SDK1: variants seen among roughly 807,000 people sequenced by gnomAD.
SDK1 encodes the protein sidekick cell adhesion molecule 1, also known as protein sidekick-1.
In SDK1, 157 loss-of-function variants were observed where a neutral mutation model predicts 245.5. The ratio of observed to expected loss-of-function variants is 0.64; its 90% CI spans 0.56 to 0.73. SDK1 has a LOEUF of 0.73. Ranked by LOEUF, SDK1 falls within the 30% of genes least tolerant of loss-of-function variation. The probability of loss-of-function intolerance (pLI) is 0.00; values close to 1 mark genes in which losing one functional copy is unlikely to be tolerated. For synonymous variants in SDK1, 1,647 were observed against 1,278.5 expected, an observed-to-expected ratio of 1.29 and a Z score of -6.15; for missense variants, 3,583 against 3,002.3, an observed-to-expected ratio of 1.19 and a Z score of -4.52.
At position 4,065,694 on chromosome 7, in the gene SDK1, G is replaced by GTTTTTTTTTTTTTT. The variant is rs749991713; in HGVS notation, c.2912-2122_2912-2109dup. 1.0e-4 allele frequency among the ~76,000 whole-genome samples: 7 copies of GTTTTTTTTTTTTTT among 66,750 alleles called. 1 individual carries two copies. The highest frequency in any genetic ancestry group is 2.7e-4 in the Admixed American group (1 of 3,706). The allele number at this position is 66,750 out of a possible 152,430, so 43.8% of individuals were successfully genotyped here. A position where few individuals can be genotyped will look rare whatever the true frequency, so the allele number is the denominator to read the frequency against. ...AGTTTCACCCAGATGAGTGGTTGTT[G>GTTTTTTTTTTTTTT]TTTTTTTTTTTTTTTTTTTTTTTTT... On this transcript the variant is annotated intron_variant, in intron 19 of 44. Coordinates refer to ENST00000404826, the MANE Select transcript of SDK1 (RefSeq NM_152744.4).
intron 1 of SDK1, among the ~76,000 whole-genome samples, chr7:3,606,996 T>G (rs1408528292): frequency 6.6e-6 from 1 of 152,182 alleles, no homozygotes; most frequent in Admixed American, 6.5e-5. Flanking sequence ...TACTAGTAAC[T>G]TTCTTCATTG....
chr7:3,501,664 G>T (rs979252910), intron 1 of SDK1, among the ~76,000 whole-genome samples: 24 of 152,054 alleles, frequency 1.6e-4, no homozygotes. Context: ...TTTTCCAGTT[G>T]ATTATAAATT....
At chr7:3,387,560 C>G (rs1348047259) in intron 1 of SDK1, among the ~76,000 whole-genome samples, 4 of 152,110 alleles carry the variant, frequency 2.6e-5, no homozygotes, top group African/African-American at 9.7e-5. Flanking sequence ...ATCCTGTACC[C>G]AGGTCTGTTG....
At chr7:3,492,191 C>T (rs546319703) in intron 1 of SDK1, among the ~76,000 whole-genome samples, 2 of 152,296 alleles carry the variant, frequency 1.3e-5, no homozygotes, top group South Asian at 4.1e-4. Context: ...TCAAAATGCT[C>T]CTTTCTGTTC....
At chr7:3,676,330 T>A (rs1783895636) in intron 4 of SDK1, among the ~76,000 whole-genome samples, 1 of 63,738 alleles carries the variant, frequency 1.6e-5, no homozygotes, top group African/African-American at 9.7e-5. Flanking sequence ...TACTTTTTTT[T>A]TTTTTTTTTT....
At chr7:3,390,129 C>G (rs570787475) in intron 1 of SDK1, among the ~76,000 whole-genome samples, 1 of 152,218 alleles carries the variant, frequency 6.6e-6, no homozygotes, top group South Asian at 2.1e-4. Flanking sequence ...GTTGAAGGTA[C>G]TGCTTGGATT....
chr7:3,520,536 A>G (rs1047830941), intron 1 of SDK1, among the ~76,000 whole-genome samples: 2 of 152,218 alleles, frequency 1.3e-5, no homozygotes, highest in African/African-American at 2.4e-5. Flanking sequence ...AAGTTTTAAT[A>G]TAAATCTCTT....
At chr7:3,549,642 C>T (rs1423628801) in intron 1 of SDK1, among the ~76,000 whole-genome samples, 1 of 151,870 alleles carries the variant, frequency 6.6e-6, no homozygotes, top group Non-Finnish European at 1.5e-5. Context: ...TGTTTTTTTT[C>T]CCTACTTTTT....
chr7:3,778,568 A>C (rs1283013029), intron 4 of SDK1, among the ~76,000 whole-genome samples: 1 of 152,236 alleles, frequency 6.6e-6, no homozygotes, highest in Non-Finnish European at 1.5e-5. Flanking sequence ...CTATATTTTT[A>C]CACTGACAGC....
intron 44 of SDK1, among the ~76,000 whole-genome samples, chr7:4,261,932 C>T (rs1415137482): frequency 6.7e-6 from 1 of 148,266 alleles, no homozygotes; most frequent in East Asian, 2.0e-4. Context: ...TTCCATGCAT[C>T]GGGAGGATGT....
intron 10 of SDK1, among the ~76,000 whole-genome samples, chr7:3,968,957 G>T (rs180986228): frequency 4.3e-4 from 65 of 152,326 alleles, no homozygotes; most frequent in African/African-American, 1.5e-3. Flanking sequence ...AGAGGAAGCA[G>T]GCGCATCTCA....
intron 1 of SDK1, among the ~76,000 whole-genome samples, chr7:3,554,449 A>G (rs964675519): frequency 6.6e-6 from 1 of 152,228 alleles, no homozygotes. Context: ...AGCAGTTCTG[A>G]GAGTGAAATT....
At chr7:3,967,295 A>C (rs1782149626) in intron 9 of SDK1, 23 bp from the exon 10 acceptor site, 2 of 1,582,062 alleles carry the variant, frequency 1.3e-6, no homozygotes, top group East Asian at 4.5e-5. Context: ...GGCCCTGATC[A>C]TTTCATTTAC....
intron 35 of SDK1, among the ~76,000 whole-genome samples, chr7:4,200,636 G>A (rs1783832414): frequency 6.6e-6 from 1 of 152,186 alleles, no homozygotes; most frequent in Non-Finnish European, 1.5e-5. Context: ...CCTCTCCATG[G>A]GGCCTCTCAC....
chr7:3,991,006 TG>T (rs1784263383), intron 14 of SDK1, among the ~76,000 whole-genome samples: 1 of 152,226 alleles, frequency 6.6e-6, no homozygotes, highest in Non-Finnish European at 1.5e-5. Flanking sequence ...TGCTGGGTGC[TG>T]GGTGCAGAGC....
Position 3,739,310 on chromosome 7 carries a change from A to T in SDK1, c.714-82140A>T, listed in dbSNP as rs185867854. Among the ~76,000 whole-genome samples the T allele has an allele frequency of 2.4e-3, 363 of 152,314 alleles. 1 individual carries two copies. The highest frequency in any genetic ancestry group is 8.4e-3 in the African/African-American group (351 of 41,590). ...CCTTCTTAGAGTTTTTGAGCTGCTT[A>T]CATATACAGACCATTGTTTTATATT... On this transcript the variant is annotated intron_variant, in intron 4 of 44. Coordinates refer to ENST00000404826, the MANE Select transcript of SDK1 (RefSeq NM_152744.4).
chr7:3,497,422 G>A (rs1013908122), intron 1 of SDK1, among the ~76,000 whole-genome samples: 1 of 152,140 alleles, frequency 6.6e-6, no homozygotes, highest in Non-Finnish European at 1.5e-5. Context: ...GTAGCTGTCT[G>A]CTGCAGACAT....
At chr7:3,782,596 A>C (rs1562439908) in intron 4 of SDK1, among the ~76,000 whole-genome samples, 2 of 152,232 alleles carry the variant, frequency 1.3e-5, no homozygotes, top group Non-Finnish European at 2.9e-5. Context: ...ACAAAGGAGT[A>C]CCAATACTAC....
At chr7:4,134,496 C>T (rs974760231) in intron 28 of SDK1, among the ~76,000 whole-genome samples, 2 of 152,226 alleles carry the variant, frequency 1.3e-5, no homozygotes, top group Non-Finnish European at 2.9e-5. Context: ...AGCACAGCAC[C>T]CAGGCATCAG....
Sources: allele counts gnomAD v4.1 joint callset (sites outside exome capture counted in the v4.1 genomes callset), GRCh38; gene constraint gnomAD v4.1.1; transcripts MANE v1.5; gene names NCBI Gene and HGNC (gene_info 2026-07-23, HGNC 2026-07-21).